ARG1: variants seen among roughly 807,000 people sequenced by gnomAD.
ARG1 encodes arginase-1.
ARG1 carries 20 observed loss-of-function variants against 33.0 expected under a neutral mutation model. The ratio of observed to expected loss-of-function variants is 0.61; its 90% CI spans 0.43 to 0.88. The LOEUF is 0.88. Ranked by LOEUF, ARG1 falls within the 40% of genes least tolerant of loss-of-function variation. ARG1 has a pLI of 0.00. For synonymous variants in ARG1, 146 were observed against 140.6 expected, an observed-to-expected ratio of 1.04 and a Z score of -0.27; for missense variants, 374 against 384.7, an observed-to-expected ratio of 0.97 and a Z score of 0.23.
At chr6:131,575,753 C>A (rs1773582629) in intron 1 of ARG1, among the ~76,000 whole-genome samples, 1 of 152,176 alleles carries the variant, frequency 6.6e-6, no homozygotes, top group Non-Finnish European at 1.5e-5. Flanking sequence ...GCCTTTAGAC[C>A]TCTAATTGTT....
rs1178561779 is a variant in ARG1, at chr6:131,584,300, A to AT, written c.*398dup. ...GTGTCCATGTCATTCAAAAAATGTG[A>AT]TTTTTTATAATAAACTCTTTATAAC... On this transcript the variant is annotated 3_prime_UTR_variant, in exon 8 of 8. Coordinates refer to ENST00000368087, the MANE Select transcript of ARG1 (RefSeq NM_000045.4). The AT allele has an allele frequency of 6.5e-5, 13 of 198,712 alleles. No individual in the cohort carries two copies. Among genetic ancestry groups the AT allele is most frequent in the African/African-American group, 1.7e-4 (7 of 41,756 alleles). 12.3% of individuals were successfully genotyped at this position (198,712 alleles called of 1,614,324 possible).
intron 1 of ARG1, chr6:131,574,258 CTT>C: frequency 6.2e-7 from 1 of 1,613,876 alleles, no homozygotes; most frequent in Non-Finnish European, 8.5e-7. Flanking sequence ...TTTGCTTCCT[CTT>C]AATTTGGAAC....
intron 1 of ARG1, chr6:131,574,073 C>T: frequency 3.5e-5 from 21 of 599,094 alleles, no homozygotes; most frequent in Admixed American, 1.1e-4. Context: ...ACTTTTTTTT[C>T]TGCCTGGGCA....
chr6:131,576,896 G>GAGAA (rs1334336528), intron 2 of ARG1, among the ~76,000 whole-genome samples, 161 bp downstream of exon 2: 4 of 152,112 alleles, frequency 2.6e-5, no homozygotes, highest in African/African-American at 9.7e-5. Context: ...AGGGCATGGG[G>GAGAA]AGAATGCTCA....
At chr6:131,578,580 A>G (rs1773746474) in intron 2 of ARG1, among the ~76,000 whole-genome samples, 1 of 152,108 alleles carries the variant, frequency 6.6e-6, no homozygotes, top group African/African-American at 2.4e-5. Flanking sequence ...ATTCTTATTT[A>G]TTTATGATAA....
intron 2 of ARG1, 147 bp downstream of exon 2, chr6:131,576,882 C>T: frequency 1.4e-6 from 1 of 725,272 alleles, no homozygotes. Context: ...CCTACAAAAG[C>T]AGCAGGGCAT....
chr6:131,582,597 C>T, intron 4 of ARG1, 24 bp from the exon 5 acceptor site: 1 of 1,579,050 alleles, frequency 6.3e-7, no homozygotes, highest in Non-Finnish European at 8.7e-7. Context: ...CATACATAAC[C>T]AAGTGAAAAC....
intron 1 of ARG1, among the ~76,000 whole-genome samples, chr6:131,575,079 C>A (rs1019557332): frequency 4.0e-5 from 6 of 151,888 alleles, no homozygotes; most frequent in Non-Finnish European, 8.8e-5. Context: ...ATAGAGCAAG[C>A]AAGAGGAAAG....
intron 2 of ARG1, among the ~76,000 whole-genome samples, chr6:131,576,968 A>G (rs561821926): frequency 1.2e-4 from 19 of 152,212 alleles, no homozygotes; most frequent in African/African-American, 4.6e-4. Context: ...AAACTACAGT[A>G]TAAGATAAAT....
In ARG1 at chr6:131,579,290, T is replaced by C. The variant is rs761712444; in HGVS notation, c.305+5T>C. The stretch of plus-strand genomic sequence containing the variant: ...GGTGCTGGGCGGAGACCACAGGTCT[T>C]GTTGAATAACTGTGTCTATGGGAAT... On this transcript the variant is annotated splice_donor_5th_base_variant and intron_variant, in intron 3 of 7. Transcript: ENST00000368087. The C allele has an allele frequency of 1.2e-6, 2 of 1,613,940 alleles. No individual in the cohort carries two copies. The highest frequency in any genetic ancestry group is 1.7e-6 in the Non-Finnish European group (2 of 1,179,928).
At chr6:131,578,401 CA>C (rs1773735109) in intron 2 of ARG1, among the ~76,000 whole-genome samples, 1 of 152,116 alleles carries the variant, frequency 6.6e-6, no homozygotes, top group Non-Finnish European at 1.5e-5. Context: ...CACAGTTTTA[CA>C]TGACACTCTC....
rs193256900 is a variant in ARG1, at chr6:131,575,434, T to C, written c.58-1229T>C. Among the ~76,000 whole-genome samples, 6 of 152,194 alleles carry C rather than the reference T, an allele frequency of 3.9e-5. No individual in the cohort carries two copies. In the East Asian group the frequency reaches 7.8e-4, roughly 20 times the overall value. ...AGAAGGAGAAATCATGTTTACTTGATTGGGGAGAGGCAGGTGTGTCAAGCA... is the reference window on the plus strand; with the variant it reads ...AGAAGGAGAAATCATGTTTACTTGACTGGGGAGAGGCAGGTGTGTCAAGCA... On this transcript the variant is annotated intron_variant, in intron 1 of 7. Transcript: ENST00000368087.
chr6:131,574,352 T>A (rs1773512231), intron 1 of ARG1: 1 of 1,602,296 alleles, frequency 6.2e-7, no homozygotes, highest in East Asian at 2.2e-5. Context: ...ATTTGGACTG[T>A]CAGTAAATAC....
intron 1 of ARG1, among the ~76,000 whole-genome samples, chr6:131,574,869 T>C (rs1773538800): frequency 6.6e-6 from 1 of 152,172 alleles, no homozygotes; most frequent in Non-Finnish European, 1.5e-5. Context: ...AGAGGTTTGG[T>C]AATGTGCTCA....
At chr6:131,574,170 C>A (rs573475393) in intron 1 of ARG1, 4 of 1,243,082 alleles carry the variant, frequency 3.2e-6, no homozygotes, top group Admixed American at 1.7e-5. Flanking sequence ...AAACAAAGAA[C>A]AAAATCAAAC....
At chr6:131,575,663 C>T (rs1258846615) in intron 1 of ARG1, among the ~76,000 whole-genome samples, 5 of 152,212 alleles carry the variant, frequency 3.3e-5, no homozygotes. Flanking sequence ...CACATTGTCT[C>T]ATCTGACAAC....
At chr6:131,574,233 G>T in intron 1 of ARG1, 1 of 1,603,984 alleles carries the variant, frequency 6.2e-7, no homozygotes. Flanking sequence ...AGGTTTCTCA[G>T]GATCTGGGCA....
At position 131,583,895 on chromosome 6, in the gene ARG1, A is replaced by G. The variant is rs147409787; in HGVS notation, c.956A>G (p.Asn319Ser). 3.7e-6 allele frequency: 6 copies of G among 1,613,928 alleles called. No individual in the cohort carries two copies. Among genetic ancestry groups the G allele is most frequent in the Non-Finnish European group, 5.1e-6 (6 of 1,179,990 alleles). ...AATCACAAGCCTATTGACTACCTTA[A>G]CCCACCTAAGTAAATGTGGAAACAT... ...EGNHKPIDYL[N>S]PPK Residue 319 changes from asparagine (N) to serine (S), a missense_variant, in exon 8 of 8, where the codon AAC (asparagine) becomes AGC (serine). Transcript: ENST00000368087.
chr6:131,574,299 C>A (rs1234352916), intron 1 of ARG1: 1 of 1,613,784 alleles, frequency 6.2e-7, no homozygotes, highest in African/African-American at 1.3e-5. Context: ...CTTTTTACTG[C>A]AAAACAAATT....
Sources: allele counts gnomAD v4.1 joint callset (sites outside exome capture counted in the v4.1 genomes callset), GRCh38; gene constraint gnomAD v4.1.1; transcripts MANE v1.5; gene names NCBI Gene and HGNC (gene_info 2026-07-23, HGNC 2026-07-21).